The following RNFT2 variants were observed in gnomAD, a reference collection of about 807,000 sequenced individuals.
RNFT2 encodes the protein ring finger protein, transmembrane 2.
Under a neutral mutation model 53.0 loss-of-function variants are expected in RNFT2, and 36 were observed. That is an observed-to-expected ratio of 0.68 (90% confidence interval 0.52 to 0.90). RNFT2 has a LOEUF of 0.90. RNFT2 is among the 40% of genes least tolerant of loss of function. The pLI, the probability that RNFT2 is intolerant of heterozygous loss-of-function variation, is 0.00. For synonymous variants in RNFT2, 260 were observed against 253.2 expected (o/e 1.03, Z -0.26); for missense variants, 514 against 585.6 (o/e 0.88, Z 1.26).
At position 116,753,898 on chromosome 12, in the gene RNFT2, T is replaced by C. The variant is rs757254451; in HGVS notation, c.551-86T>C. The C allele has an allele frequency of 6.9e-5, 66 of 958,634 alleles. 1 individual carries two copies. The highest frequency in any genetic ancestry group is 1.1e-4 in the Non-Finnish European group (63 of 590,252). The allele number at this position is 958,634 out of a possible 1,614,324, so 59.4% of individuals were successfully genotyped here. A position where few individuals can be genotyped will look rare whatever the true frequency, so the allele number is the denominator to read the frequency against. On this transcript the variant is annotated intron_variant, in intron 4 of 10. Coordinates refer to ENST00000257575, the MANE Select transcript of RNFT2 (RefSeq NM_001382266.1). ...CTGTCAACTCTGAGGGGACCAGGGA[T>C]GTGCCTTTTCCCCCATGTTGCTCAG... is the stretch of plus-strand genomic sequence containing the variant.
intron 5 of RNFT2, 73 bp downstream of exon 5, chr12:116,754,133 G>A (rs550518146): frequency 1.4e-5 from 17 of 1,236,886 alleles, no homozygotes; most frequent in Middle Eastern, 1.9e-4. Context: ...CAGTCTTCCC[G>A]GCAAGTCTCC....
At chr12:116,840,922 C>CTGTGTG (rs34358849) in intron 10 of RNFT2, among the ~76,000 whole-genome samples, 10 of 149,018 alleles carry the variant, frequency 6.7e-5, no homozygotes, top group African/African-American at 1.5e-4. Flanking sequence ...GGGTATGTGT[C>CTGTGTG]TGTGTGTGTG....
At chr12:116,807,877 C>T (rs1323623399) in intron 7 of RNFT2, among the ~76,000 whole-genome samples, 3 of 152,154 alleles carry the variant, frequency 2.0e-5, no homozygotes, top group Non-Finnish European at 1.5e-5. Context: ...GATTGTGGCT[C>T]ACTACAGCCT....
intron 10 of RNFT2, among the ~76,000 whole-genome samples, chr12:116,841,960 G>T (rs7485743): frequency 0.31 from 2,339 of 7,502 alleles, 112 homozygotes; most frequent in South Asian, 0.37. Flanking sequence ...TATATATATA[G>T]AGAGAGAGAG....
intron 10 of RNFT2, among the ~76,000 whole-genome samples, chr12:116,841,820 A>ATATATATATAAATATATATATAAAT (rs1877291503): frequency 4.7e-5 from 2 of 42,584 alleles, no homozygotes; most frequent in Non-Finnish European, 9.6e-5. Context: ...TATATATAAA[A>ATATATATATAAATATATATATAAAT]ATATATATAT....
At chr12:116,815,111 T>C (rs1416073582) in intron 7 of RNFT2, among the ~76,000 whole-genome samples, 1 of 152,018 alleles carries the variant, frequency 6.6e-6, no homozygotes, top group Non-Finnish European at 1.5e-5. Flanking sequence ...TAGCCGGTCC[T>C]AGTAGTAGTA....
At chr12:116,789,639 A>ATGGATGGGAGGAGAG (rs775648061) in intron 7 of RNFT2, among the ~76,000 whole-genome samples, 7 of 118,576 alleles carry the variant, frequency 5.9e-5, no homozygotes, top group African/African-American at 2.3e-4. Flanking sequence ...AGGAGAGTGG[A>ATGGATGGGAGGAGAG]TGGATGGATG....
chr12:116,808,273 A>G (rs1270495193), intron 7 of RNFT2, among the ~76,000 whole-genome samples: 1 of 151,882 alleles, frequency 6.6e-6, no homozygotes, highest in African/African-American at 2.4e-5. Context: ...AGTTTTTTAT[A>G]GCAACGGGGT....
chr12:116,824,188 G>T (rs1464985062), intron 7 of RNFT2, among the ~76,000 whole-genome samples: 1 of 151,964 alleles, frequency 6.6e-6, no homozygotes, highest in Non-Finnish European at 1.5e-5. Flanking sequence ...TCATTTTCTA[G>T]AACATTTGTT....
intron 5 of RNFT2, among the ~76,000 whole-genome samples, chr12:116,757,742 C>T (rs925878314): frequency 3.0e-4 from 46 of 152,132 alleles, no homozygotes; most frequent in African/African-American, 1.1e-3. Flanking sequence ...TGTGGCCTAT[C>T]ATATAGTCTA....
chr12:116,754,330 C>T (rs933965146), intron 5 of RNFT2, among the ~76,000 whole-genome samples: 2 of 152,020 alleles, frequency 1.3e-5, no homozygotes, highest in Admixed American at 6.6e-5. Context: ...AGCATTCCAC[C>T]ATGTATATAT....
intron 7 of RNFT2, among the ~76,000 whole-genome samples, chr12:116,786,601 G>C (rs143103109): frequency 6.6e-6 from 1 of 152,292 alleles, no homozygotes; most frequent in Admixed American, 6.5e-5. Flanking sequence ...TCATAGTCCA[G>C]CTCTTCCAAG....
At chr12:116,844,687 C>G (rs1368472768) in intron 10 of RNFT2, among the ~76,000 whole-genome samples, 1 of 152,148 alleles carries the variant, frequency 6.6e-6, no homozygotes, top group Admixed American at 6.5e-5. Flanking sequence ...ACCAGAATAT[C>G]TGAGAACTAT....
At chr12:116,811,501 G>A (rs1026195224) in intron 7 of RNFT2, among the ~76,000 whole-genome samples, 5 of 151,854 alleles carry the variant, frequency 3.3e-5, no homozygotes, top group Non-Finnish European at 7.4e-5. Flanking sequence ...TCAGTCTCCT[G>A]AGCAGCTGGG....
chr12:116,837,251 A>T (rs145009051), intron 10 of RNFT2, among the ~76,000 whole-genome samples: 1 of 152,276 alleles, frequency 6.6e-6, no homozygotes, highest in Non-Finnish European at 1.5e-5. Context: ...AAGGAGAGGC[A>T]GAGGGCCCAC....
At chr12:116,792,786 A>C (rs1344888379) in intron 7 of RNFT2, among the ~76,000 whole-genome samples, 1 of 152,146 alleles carries the variant, frequency 6.6e-6, no homozygotes, top group Non-Finnish European at 1.5e-5. Context: ...GGGGGAAGAC[A>C]CATTTGTCAG....
At position 116,810,356 on chromosome 12, in the gene RNFT2, T is replaced by C. The variant is rs565595329; in HGVS notation, c.883-23436T>C. On this transcript the variant is annotated intron_variant, in intron 7 of 10. Coordinates refer to ENST00000257575, the MANE Select transcript of RNFT2 (RefSeq NM_001382266.1). ...CAGGAAGAGGGGACAGCCGCAGCCA[T>C]GGTGTGGAAGTGGAAAACAGTTCGG... Among the ~76,000 whole-genome samples the C allele has an allele frequency of 2.0e-5, 3 of 152,252 alleles. No homozygotes were observed. The South Asian group carries it at 6.2e-4, about 32-fold the overall frequency.
At chr12:116,766,784 G>T in intron 5 of RNFT2, 30 bp from the exon 6 acceptor site, 1 of 1,522,328 alleles carries the variant, frequency 6.6e-7, no homozygotes, top group South Asian at 1.2e-5. Flanking sequence ...ATGCACCTTT[G>T]ATATCACATA....
intron 10 of RNFT2, among the ~76,000 whole-genome samples, chr12:116,845,288 G>T (rs960106648): frequency 2.1e-5 from 3 of 146,298 alleles, no homozygotes; most frequent in African/African-American, 7.8e-5. Flanking sequence ...GAGAGAGAGA[G>T]AGAGAGAGCT....
Sources: allele counts gnomAD v4.1 joint callset (sites outside exome capture counted in the v4.1 genomes callset), GRCh38; gene constraint gnomAD v4.1.1; transcripts MANE v1.5; gene names NCBI Gene and HGNC (gene_info 2026-07-23, HGNC 2026-07-21).